Variants in VIT observed in about 807,000 individuals in gnomAD.
The protein encoded by VIT is vitrin.
A neutral mutation model predicts 78.0 loss-of-function variants in VIT; 99 were observed. That is an observed-to-expected ratio of 1.27 (90% CI 1.08 to 1.50). The LOEUF is 1.50. Among genes scored for constraint, VIT ranks in the 40% most tolerant of loss-of-function variants. VIT has a pLI of 0.00. For synonymous variants in VIT, 374 were observed against 334.3 expected, an observed-to-expected ratio of 1.12 and a Z score of -1.29; for missense variants, 1,126 against 875.3, an observed-to-expected ratio of 1.29 and a Z score of -3.61.
intron 2 of VIT, among the ~76,000 whole-genome samples, chr2:36,719,218 C>T (rs1286150179): frequency 6.6e-6 from 1 of 152,114 alleles, no homozygotes; most frequent in Non-Finnish European, 1.5e-5. Flanking sequence ...TATGACAGGG[C>T]CACAGCTAAT....
In VIT at chr2:36,795,365, ATTTAT is replaced by A. The variant is rs1281379928; in HGVS notation, c.1059-5920_1059-5916del. 1.1e-3 allele frequency among the ~76,000 whole-genome samples: 168 copies of A among 147,990 alleles called. 1 individual carries two copies. The highest frequency in any genetic ancestry group is 4.0e-3 in the African/African-American group (159 of 40,228). Reference sequence around the variant, plus strand: ...GCCTTATTTTATTTTATTTTATTTTATTTATTTTATTTTATTTTATATTTTATTTT... The same window carrying A: ...GCCTTATTTTATTTTATTTTATTTTATTTATTTTATTTTATATTTTATTTT... On this transcript the variant is annotated intron_variant, in intron 12 of 15. Transcript: ENST00000379242.
chr2:36,704,702 T>C (rs776155629), intron 1 of VIT, among the ~76,000 whole-genome samples: 2 of 152,182 alleles, frequency 1.3e-5, no homozygotes, highest in Non-Finnish European at 2.9e-5. Flanking sequence ...ACCCTCCGTT[T>C]TACCCAGGTC....
At chr2:36,753,759 G>T (rs1449134633) in intron 4 of VIT, among the ~76,000 whole-genome samples, 1 of 152,170 alleles carries the variant, frequency 6.6e-6, no homozygotes, top group Non-Finnish European at 1.5e-5. Context: ...GAGATGTGAG[G>T]GAACTCAATC....
chr2:36,768,210 T>C (rs1253962347), intron 7 of VIT, among the ~76,000 whole-genome samples: 1 of 152,096 alleles, frequency 6.6e-6, no homozygotes, highest in Non-Finnish European at 1.5e-5. Context: ...GGCAAGCAGA[T>C]CACTTGAGGC....
At chr2:36,758,035 A>G (rs1668872015) in intron 5 of VIT, among the ~76,000 whole-genome samples, 1 of 152,188 alleles carries the variant, frequency 6.6e-6, no homozygotes, top group South Asian at 2.1e-4. Flanking sequence ...TCTGTGCCAC[A>G]CTGCTTACCA....
chr2:36,718,866 T>C lies in VIT; in HGVS notation c.52+2444T>C, dbSNP rs142718953. Among the ~76,000 whole-genome samples the C allele has an allele frequency of 6.5e-3, 994 of 152,332 alleles. 13 individuals are homozygous for C. The highest frequency in any genetic ancestry group is 0.023 in the African/African-American group (940 of 41,576). On this transcript the variant is annotated intron_variant, in intron 2 of 15. Transcript: ENST00000379242. ...GCTAGCACACTGGGGAACTACAACT[T>C]GAAAGCACAAGGTCCTTCATTTCTA... is the stretch of plus-strand genomic sequence containing the variant.
intron 12 of VIT, among the ~76,000 whole-genome samples, chr2:36,798,934 C>T (rs530917390): frequency 8.5e-5 from 13 of 152,244 alleles, no homozygotes; most frequent in Middle Eastern, 3.4e-3. Context: ...AGGAAGGTCA[C>T]GCCCAGCTCA....
At chr2:36,729,321 G>A in intron 2 of VIT, 105 bp from the exon 3 acceptor site, 1 of 957,244 alleles carries the variant, frequency 1.0e-6, no homozygotes, top group Non-Finnish European at 1.5e-6. Context: ...AATTAGTTCT[G>A]CCATGGAGAA....
intron 3 of VIT, among the ~76,000 whole-genome samples, chr2:36,734,966 C>A (rs900377003): frequency 2.0e-5 from 3 of 152,108 alleles, no homozygotes; most frequent in Non-Finnish European, 1.5e-5. Flanking sequence ...GAGTTCGAGA[C>A]CAGCCTGGCC....
In VIT at chr2:36,814,520, T is replaced by A. The variant is rs958671450; in HGVS notation, c.*159T>A. 8 of 955,964 alleles carry A rather than the reference T, an allele frequency of 8.4e-6. No homozygotes were observed. The Admixed American group carries it at 1.5e-4, about 18-fold the overall frequency. The allele number at this position is 955,964 out of a possible 1,614,324, so 59.2% of individuals were successfully genotyped here. The stretch of plus-strand genomic sequence containing the variant: ...TCTTTGCCATCATGCTTTTTCATAT[T>A]CCAAAACTTGGAGTTACAAAGATGA... On this transcript the variant is annotated 3_prime_UTR_variant, in exon 16 of 16. Transcript: ENST00000379242.
intron 7 of VIT, among the ~76,000 whole-genome samples, chr2:36,768,357 G>A (rs1051077973): frequency 1.3e-5 from 2 of 152,050 alleles, no homozygotes; most frequent in Non-Finnish European, 2.9e-5. Flanking sequence ...GCTTGAACCT[G>A]GGAGGCAGAG....
At chr2:36,751,075 C>T (rs545416578) in intron 4 of VIT, among the ~76,000 whole-genome samples, 22 of 152,092 alleles carry the variant, frequency 1.4e-4, no homozygotes, top group Admixed American at 2.0e-4. Context: ...GCCAGGCCAA[C>T]GTGGCAAAAC....
Position 36,808,569 on chromosome 2 carries a change from C to A in VIT, c.1487C>A (p.Thr496Asn). The A allele has an allele frequency of 6.2e-7, 1 of 1,614,170 alleles. No homozygotes were observed. Among genetic ancestry groups the A allele is most frequent in the Non-Finnish European group, 8.5e-7 (1 of 1,180,046 alleles). ...CCTCTGGTGAAGCGGGTCTGCGACA[C>A]TGACCGCCTGGCCTGCAGCAAGACC... is the stretch of plus-strand genomic sequence containing the variant. ...LQPLVKRVCD[T>N]DRLACSKTCL... Residue 496 changes from threonine to asparagine, a missense_variant, in exon 15 of 16, where the codon ACT becomes AAT. By Grantham distance (65) the Thr-to-Asn change is moderately conservative (BLOSUM62 0). Transcript: ENST00000379242.
In VIT at chr2:36,743,224, C is replaced by G; in HGVS notation, c.243C>G (p.Ser81=). 1 of 1,614,028 alleles carries G rather than the reference C, an allele frequency of 6.2e-7. No individual in the cohort carries two copies. The highest frequency in any genetic ancestry group is 8.5e-7 in the Non-Finnish European group (1 of 1,179,922). Residue 81 remains serine, a synonymous_variant, in exon 4 of 16, where the codon TCC becomes TCG. Transcript: ENST00000379242. ...YHVYGTDVYA[S]YSSVCGAAVH... is the part of the protein sequence containing the mutation. ...TTTATGGCACTGACGTGTATGCATC[C>G]TACTCCAGTGTGTGTGGCGCTGCCG... is the stretch of plus-strand genomic sequence containing the variant.
intron 6 of VIT, among the ~76,000 whole-genome samples, chr2:36,763,557 G>T (rs1669245509): frequency 6.7e-6 from 1 of 148,450 alleles, no homozygotes; most frequent in Non-Finnish European, 1.5e-5. Context: ...AATTGGGATA[G>T]GAGGAGTAAT....
chr2:36,766,251 G>A (rs566187554), intron 6 of VIT, among the ~76,000 whole-genome samples: 2 of 152,170 alleles, frequency 1.3e-5, no homozygotes, highest in Non-Finnish European at 2.9e-5. Flanking sequence ...AATCTAGGCC[G>A]AGCACAGTGG....
Position 36,728,540 on chromosome 2 carries a change from G to A in VIT, c.53-886G>A, listed in dbSNP as rs1437070324. Among the ~76,000 whole-genome samples the A allele has an allele frequency of 1.4e-4, 4 of 29,540 alleles. 2 individuals are homozygous for A. Among genetic ancestry groups the A allele is most frequent in the Admixed American group, 5.7e-4 (2 of 3,510 alleles). The allele number at this position is 29,540 out of a possible 152,430, so 19.4% of individuals were successfully genotyped here. ...ATTAAAGAAAAAATATTGGCCGGGC[G>A]CGGTGGCTCACGCCTGTAATCCCAG... On this transcript the variant is annotated intron_variant, in intron 2 of 15. Coordinates refer to ENST00000379242, the MANE Select transcript of VIT (RefSeq NM_053276.4).
intron 12 of VIT, among the ~76,000 whole-genome samples, chr2:36,796,676 A>G (rs2148656742): frequency 6.6e-6 from 1 of 151,976 alleles, no homozygotes; most frequent in South Asian, 2.1e-4. Flanking sequence ...TTGTTTGCCC[A>G]GGCTGGTCTC....
chr2:36,808,440 C>T (rs745672377), intron 14 of VIT, 32 bp from the exon 15 acceptor site: 11 of 1,570,286 alleles, frequency 7.0e-6, no homozygotes, highest in Non-Finnish European at 5.2e-6. Flanking sequence ...TTGACCCTGA[C>T]GTGGCGTGGG....
Sources: allele counts gnomAD v4.1 joint callset (sites outside exome capture counted in the v4.1 genomes callset), GRCh38; gene constraint gnomAD v4.1.1; transcripts MANE v1.5; gene names NCBI Gene and HGNC (gene_info 2026-07-23, HGNC 2026-07-21).